The following SCD5 variants were observed in gnomAD, a reference collection of about 807,000 sequenced individuals.
SCD5 encodes the protein acyl-CoA-desaturase 4.
In SCD5, 20 loss-of-function variants were observed where a neutral mutation model predicts 30.4. The ratio of observed to expected loss-of-function variants is 0.66; its 90% CI spans 0.46 to 0.96. The LOEUF is 0.96. Among genes scored for constraint, SCD5 ranks in the 40% least tolerant of loss-of-function variants. The pLI, the probability that SCD5 is intolerant of heterozygous loss-of-function variation, is 0.00. For missense variants in SCD5, 381 were observed against 443.3 expected, an observed-to-expected ratio of 0.86 and a Z score of 1.26; for synonymous variants, 173 against 176.4, an observed-to-expected ratio of 0.98 and a Z score of 0.16.
At chr4:82,746,960 G>A (rs115860619) in intron 1 of SCD5, among the ~76,000 whole-genome samples, 3 of 23,196 alleles carry the variant, frequency 1.3e-4, no homozygotes, top group Admixed American at 4.1e-4. Context: ...AAGGGCGTCA[G>A]GGGGAGAGGA....
At chr4:82,685,282 G>A (rs1229020232) in intron 2 of SCD5, among the ~76,000 whole-genome samples, 3 of 151,236 alleles carry the variant, frequency 2.0e-5, no homozygotes, top group Admixed American at 1.3e-4. Flanking sequence ...TAGCAGAGAC[G>A]CCATACTATA....
At position 82,667,106 on chromosome 4, in the gene SCD5, C is replaced by T. The variant is rs192079698; in HGVS notation, c.569+13601G>A. Among the ~76,000 whole-genome samples, 129 of 152,206 alleles carry T rather than the reference C, an allele frequency of 8.5e-4. 1 individual carries two copies. The highest frequency in any genetic ancestry group is 7.4e-5 in the Non-Finnish European group (5 of 68,008). The stretch of plus-strand genomic sequence containing the variant: ...ACAGCAGTCCCAGAATCCATTGACA[C>T]CTGTTGATTAATATGTTTACCATGC... On this transcript the variant is annotated intron_variant, in intron 3 of 4. Coordinates refer to ENST00000319540, the MANE Select transcript of SCD5 (RefSeq NM_001037582.3).
intron 1 of SCD5, among the ~76,000 whole-genome samples, chr4:82,753,840 G>T (rs1721164184): frequency 6.6e-6 from 1 of 152,168 alleles, no homozygotes; most frequent in Non-Finnish European, 1.5e-5. Flanking sequence ...AAGGCAGACA[G>T]GGCGTATTCC....
At chr4:82,670,681 TC>T (rs1225632294) in intron 3 of SCD5, among the ~76,000 whole-genome samples, 1 of 151,698 alleles carries the variant, frequency 6.6e-6, no homozygotes, top group Non-Finnish European at 1.5e-5. Flanking sequence ...AAATATCAAT[TC>T]CATATCAATT....
intron 1 of SCD5, among the ~76,000 whole-genome samples, chr4:82,742,448 G>A (rs1720894924): frequency 6.6e-6 from 1 of 152,172 alleles, no homozygotes; most frequent in Admixed American, 6.5e-5. Flanking sequence ...CAGGATTGCT[G>A]GGGTCTTAGA....
intron 1 of SCD5, among the ~76,000 whole-genome samples, chr4:82,716,099 TGA>T (rs1344434801): frequency 2.6e-5 from 4 of 151,914 alleles, no homozygotes; most frequent in Non-Finnish European, 5.9e-5. Context: ...TAGTTCAGCC[TGA>T]GAGCGTTCCA....
At chr4:82,699,015 A>G (rs1183636767) in intron 2 of SCD5, among the ~76,000 whole-genome samples, 3 of 152,176 alleles carry the variant, frequency 2.0e-5, no homozygotes, top group Non-Finnish European at 4.4e-5. Context: ...TGCTGAATGA[A>G]AGGATAAATG....
intron 1 of SCD5, among the ~76,000 whole-genome samples, chr4:82,730,045 T>C (rs569983494): frequency 1.3e-5 from 2 of 152,154 alleles, no homozygotes; most frequent in East Asian, 3.9e-4. Flanking sequence ...TCCCTTTGAG[T>C]TACTCATCTC....
In SCD5 at chr4:82,798,388, G is replaced by C. The variant is rs1405979654; in HGVS notation, c.150C>G (p.Val50=). ...GQRQNIVWRN[V]VLMSLLHLGA... Reference sequence around the variant, plus strand: ...CCAAGTGGAGCAAGCTCATCAGGACGACATTCCTCCAGACGATGTTCTGCC... The same window carrying C: ...CCAAGTGGAGCAAGCTCATCAGGACCACATTCCTCCAGACGATGTTCTGCC... The change falls in exon 1 of 5, where the codon GTC becomes GTG. Residue 50 remains valine, a synonymous_variant. Coordinates refer to ENST00000319540, the MANE Select transcript of SCD5 (RefSeq NM_001037582.3). 1 of 1,613,372 alleles carries C rather than the reference G, an allele frequency of 6.2e-7. No individual in the cohort carries two copies. The highest frequency in any genetic ancestry group is 8.5e-7 in the Non-Finnish European group (1 of 1,179,684).
intron 1 of SCD5, among the ~76,000 whole-genome samples, chr4:82,712,281 T>TACATATATATATATACATATAC (rs1173317486): frequency 2.0e-5 from 1 of 50,312 alleles, no homozygotes; most frequent in Non-Finnish European, 3.5e-5. Context: ...TATATATATA[T>TACATATATATATATACATATAC]ATATATATAT....
At chr4:82,705,467 C>A in intron 1 of SCD5, 54 bp from the exon 2 acceptor site, 1 of 1,600,336 alleles carries the variant, frequency 6.2e-7, no homozygotes, top group Non-Finnish European at 8.5e-7. Flanking sequence ...CTTTCAAACA[C>A]CCCCCATGCT....
intron 1 of SCD5, among the ~76,000 whole-genome samples, chr4:82,716,218 G>T (rs1435318301): frequency 6.6e-6 from 1 of 151,622 alleles, no homozygotes; most frequent in Non-Finnish European, 1.5e-5. Flanking sequence ...ACTAGGCATG[G>T]GAATCAAAGC....
intron 3 of SCD5, among the ~76,000 whole-genome samples, chr4:82,679,580 T>C (rs1186158350): frequency 6.6e-6 from 1 of 152,200 alleles, no homozygotes. Flanking sequence ...CTGTAGGAGA[T>C]AGGTATTACT....
chr4:82,798,080 T>TGGGGCGGGGGGGGGGGGGGGGGGG (rs1436762424), intron 1 of SCD5, among the ~76,000 whole-genome samples: 1 of 25,812 alleles, frequency 3.9e-5, no homozygotes, highest in African/African-American at 1.0e-4. Context: ...CGCGGCGGGG[T>TGGGGCGGGGGGGGGGGGGGGGGGG]GGGGGCGGGG....
At chr4:82,785,588 T>C (rs1361123300) in intron 1 of SCD5, among the ~76,000 whole-genome samples, 1 of 152,246 alleles carries the variant, frequency 6.6e-6, no homozygotes, top group Non-Finnish European at 1.5e-5. Flanking sequence ...GAGGTATATA[T>C]GTCAATAAAT....
intron 1 of SCD5, among the ~76,000 whole-genome samples, chr4:82,731,432 C>G (rs1038954920): frequency 6.6e-6 from 1 of 152,228 alleles, no homozygotes; most frequent in Non-Finnish European, 1.5e-5. Flanking sequence ...GCCTTCCTGC[C>G]TCGGGGCAAT....
chr4:82,661,753 T>C (rs1382238297), intron 3 of SCD5, among the ~76,000 whole-genome samples: 1 of 152,250 alleles, frequency 6.6e-6, no homozygotes, highest in Non-Finnish European at 1.5e-5. Flanking sequence ...AAAGAGACTT[T>C]CAGGTTGTAA....
intron 2 of SCD5, among the ~76,000 whole-genome samples, chr4:82,697,832 G>A (rs760037708): frequency 6.6e-6 from 1 of 152,154 alleles, no homozygotes; most frequent in Non-Finnish European, 1.5e-5. Flanking sequence ...TCCGCATAAC[G>A]GAAGGGGTTA....
chr4:82,763,988 T>A (rs753003012), intron 1 of SCD5, among the ~76,000 whole-genome samples: 7 of 152,234 alleles, frequency 4.6e-5, no homozygotes, highest in Non-Finnish European at 8.8e-5. Context: ...TGATGTTGCG[T>A]GATGTATCTT....
Sources: gnomAD v4.1 joint callset for allele counts (sites outside exome capture counted in the v4.1 genomes callset) on GRCh38, gnomAD v4.1.1 for gene constraint, MANE v1.5 for transcripts, NCBI Gene and HGNC (gene_info 2026-07-23, HGNC 2026-07-21) for gene names.